The following MDGA2 variants were observed in gnomAD, a reference collection of about 807,000 sequenced individuals.
The protein encoded by MDGA2 is MAM domain-containing glycosylphosphatidylinositol anchor protein 2.
A neutral mutation model predicts 117.8 loss-of-function variants in MDGA2; 40 were observed. The ratio of observed to expected loss-of-function variants is 0.34; its 90% CI spans 0.26 to 0.44. The LOEUF is 0.44. Among genes scored for constraint, MDGA2 ranks in the 20% least tolerant of loss-of-function variants. The probability of loss-of-function intolerance (pLI) is 1.00; values close to 1 mark genes in which losing one functional copy is unlikely to be tolerated. For synonymous variants in MDGA2, 452 were observed against 439.0 expected (o/e 1.03, Z -0.37); for missense variants, 1,123 against 1,250.6 (o/e 0.90, Z 1.54).
intron 5 of MDGA2, among the ~76,000 whole-genome samples, chr14:47,126,707 T>TA (rs1204321197): frequency 2.0e-5 from 3 of 152,106 alleles, no homozygotes; most frequent in Non-Finnish European, 4.4e-5. Context: ...AAGGACTACA[T>TA]ATTATTATCA....
intron 8 of MDGA2, among the ~76,000 whole-genome samples, chr14:47,022,477 T>C (rs1025239705): frequency 1.3e-5 from 2 of 152,108 alleles, no homozygotes; most frequent in African/African-American, 4.8e-5. Context: ...ATTTTTACAG[T>C]ATGCAATTAT....
intron 1 of MDGA2, among the ~76,000 whole-genome samples, chr14:47,366,410 T>C (rs953921631): frequency 2.7e-5 from 4 of 150,758 alleles, no homozygotes. Flanking sequence ...CCTTAGAGAG[T>C]TGATTATTCT....
At chr14:47,531,865 T>C (rs1009518187) in intron 1 of MDGA2, among the ~76,000 whole-genome samples, 1 of 152,242 alleles carries the variant, frequency 6.6e-6, no homozygotes, top group Non-Finnish European at 1.5e-5. Flanking sequence ...GAGAATTGTG[T>C]GCATTTATAT....
intron 15 of MDGA2, among the ~76,000 whole-genome samples, chr14:46,851,283 A>T (rs1881045353): frequency 6.6e-6 from 1 of 151,882 alleles, no homozygotes; most frequent in South Asian, 2.1e-4. Context: ...ATACTATGAA[A>T]GAAGTAAAGC....
At chr14:47,038,633 T>G (rs980001701) in intron 7 of MDGA2, among the ~76,000 whole-genome samples, 1 of 152,110 alleles carries the variant, frequency 6.6e-6, no homozygotes, top group African/African-American at 2.4e-5. Flanking sequence ...GCTAAAAGAT[T>G]ATTTAATATC....
chr14:47,334,434 C>T (rs2900001), intron 1 of MDGA2, among the ~76,000 whole-genome samples: 97 of 151,884 alleles, frequency 6.4e-4, no homozygotes, highest in Non-Finnish European at 1.2e-3. Context: ...ACTACTTGCA[C>T]GATCACAGGC....
intron 1 of MDGA2, among the ~76,000 whole-genome samples, chr14:47,445,160 C>A (rs922193251): frequency 9.9e-5 from 15 of 152,026 alleles, no homozygotes; most frequent in African/African-American, 3.4e-4. Flanking sequence ...GTTGTCGCCT[C>A]AAGTCTCCTG....
At chr14:47,252,007 G>C (rs1463588821) in intron 2 of MDGA2, among the ~76,000 whole-genome samples, 1 of 151,962 alleles carries the variant, frequency 6.6e-6, no homozygotes, top group Non-Finnish European at 1.5e-5. Flanking sequence ...AGAGGCTATA[G>C]TTTCCCAGAG....
intron 6 of MDGA2, among the ~76,000 whole-genome samples, chr14:47,066,868 C>T (rs947802423): frequency 6.6e-6 from 1 of 151,852 alleles, no homozygotes; most frequent in African/African-American, 2.4e-5. Context: ...CATGCCTGCA[C>T]TTTGGGAGGC....
chr14:47,036,041 AG>A (rs1888835310), intron 7 of MDGA2, among the ~76,000 whole-genome samples: 1 of 151,980 alleles, frequency 6.6e-6, no homozygotes, highest in Admixed American at 6.6e-5. Flanking sequence ...ATAATGAGGC[AG>A]GAGGATCACG....
intron 1 of MDGA2, among the ~76,000 whole-genome samples, chr14:47,379,453 T>A (rs927395092): frequency 6.6e-6 from 1 of 152,088 alleles, no homozygotes; most frequent in Non-Finnish European, 1.5e-5. Flanking sequence ...GACCCATCAG[T>A]GTGCGGTATT....
At chr14:47,662,044 G>C (rs535282037) in intron 1 of MDGA2, among the ~76,000 whole-genome samples, 34 of 151,956 alleles carry the variant, frequency 2.2e-4, no homozygotes, top group Non-Finnish European at 4.6e-4. Context: ...GCCAGTAGTT[G>C]GAGTTTCTAA....
chr14:47,026,075 G>A (rs1028306425), intron 8 of MDGA2, among the ~76,000 whole-genome samples: 2 of 152,194 alleles, frequency 1.3e-5, no homozygotes, highest in South Asian at 2.1e-4. Context: ...ATAACCCAAC[G>A]TAATATGATA....
At chr14:46,859,387 A>C (rs1881415547) in intron 14 of MDGA2, among the ~76,000 whole-genome samples, 1 of 152,212 alleles carries the variant, frequency 6.6e-6, no homozygotes, top group Non-Finnish European at 1.5e-5. Context: ...GCAAATAGTC[A>C]TGAGGGAACC....
chr14:47,055,726 C>T (rs1226434146), intron 7 of MDGA2, among the ~76,000 whole-genome samples: 1 of 152,060 alleles, frequency 6.6e-6, no homozygotes, highest in Non-Finnish European at 1.5e-5. Flanking sequence ...AATATGGCTA[C>T]CACCTGTTTT....
chr14:47,200,907 G>A (rs1429102846), intron 3 of MDGA2: 16 of 844,734 alleles, frequency 1.9e-5, no homozygotes, highest in Admixed American at 1.3e-4. Flanking sequence ...GCCTGGCCTC[G>A]CTTGGTCTTG....
intron 9 of MDGA2, among the ~76,000 whole-genome samples, chr14:46,926,814 G>T (rs1393540645): frequency 6.6e-6 from 1 of 152,068 alleles, no homozygotes; most frequent in African/African-American, 2.4e-5. Flanking sequence ...CTAATGGATT[G>T]AATGAGTGAG....
intron 1 of MDGA2, among the ~76,000 whole-genome samples, chr14:47,597,596 TTA>T (rs1018177476): frequency 6.6e-6 from 1 of 152,132 alleles, no homozygotes; most frequent in African/African-American, 2.4e-5. Context: ...TCCCTTTCTT[TTA>T]TATTCATTGC....
chr14:46,984,286 A>G (rs1013066944), intron 8 of MDGA2, among the ~76,000 whole-genome samples: 1 of 152,072 alleles, frequency 6.6e-6, no homozygotes, highest in African/African-American at 2.4e-5. Flanking sequence ...AATGTTCAGT[A>G]GAAGTATTCC....
Sources: gnomAD v4.1 joint callset for allele counts (sites outside exome capture counted in the v4.1 genomes callset) on GRCh38, gnomAD v4.1.1 for gene constraint, MANE v1.5 for transcripts, NCBI Gene and HGNC (gene_info 2026-07-23, HGNC 2026-07-21) for gene names.